The following ABCC2 variants were observed in gnomAD, a reference collection of about 807,000 sequenced individuals.
The protein encoded by ABCC2 is ATP binding cassette subfamily C member 2.
In ABCC2, 157 loss-of-function variants were observed where a neutral mutation model predicts 173.4. The observed-to-expected ratio is 0.91, with a 90% CI of 0.80 to 1.03. ABCC2 has a LOEUF of 1.03. ABCC2 is among the 50% of genes least tolerant of loss of function. The probability of loss-of-function intolerance (pLI) is 0.00; values close to 1 mark genes in which losing one functional copy is unlikely to be tolerated. For missense variants in ABCC2, 1,822 were observed against 1,852.3 expected, an observed-to-expected ratio of 0.98 and a Z score of 0.30; for synonymous variants, 657 against 693.5, an observed-to-expected ratio of 0.95 and a Z score of 0.83.
chr10:99,811,106 A>G (rs2038204836), intron 14 of ABCC2, among the ~76,000 whole-genome samples: 1 of 151,832 alleles, frequency 6.6e-6, no homozygotes, highest in Admixed American at 6.6e-5. Flanking sequence ...TGAGATGGGC[A>G]GATTGCTTGA....
intron 2 of ABCC2, among the ~76,000 whole-genome samples, chr10:99,791,237 GTC>G (rs1219945810): frequency 1.3e-5 from 2 of 152,030 alleles, no homozygotes; most frequent in African/African-American, 4.8e-5. Context: ...GTAAAATCCT[GTC>G]TCTACTAAAA....
intron 6 of ABCC2, among the ~76,000 whole-genome samples, chr10:99,796,788 C>A (rs989637931): frequency 6.6e-6 from 1 of 152,124 alleles, no homozygotes; most frequent in African/African-American, 2.4e-5. Flanking sequence ...ATCAAGGAGG[C>A]CCCCAAGGAG....
chr10:99,833,496 T>C (rs777008038), intron 23 of ABCC2, among the ~76,000 whole-genome samples: 2 of 152,160 alleles, frequency 1.3e-5, no homozygotes, highest in Non-Finnish European at 2.9e-5. Context: ...AAGGGGCCTC[T>C]GGGATCAATG....
rs1277675759 is a variant in ABCC2, at chr10:99,851,987, A to G, written c.*356A>G. ...TTTACTTATGTAAATGGACTGACTCATACTGCATACATCTTCTATGACTTG... is the reference window on the plus strand; with the variant it reads ...TTTACTTATGTAAATGGACTGACTCGTACTGCATACATCTTCTATGACTTG... On this transcript the variant is annotated 3_prime_UTR_variant, in exon 32 of 32. Coordinates refer to ENST00000647814, the MANE Select transcript of ABCC2 (RefSeq NM_000392.5). 2 of 204,582 alleles carry G rather than the reference A, an allele frequency of 9.8e-6. No individual in the cohort carries two copies. Among genetic ancestry groups the G allele is most frequent in the African/African-American group, 4.7e-5 (2 of 42,312 alleles). 12.7% of individuals were successfully genotyped at this position (204,582 alleles called of 1,614,324 possible).
In ABCC2 at chr10:99,800,539, T is replaced by G; in HGVS notation, c.1185T>G (p.Ala395=). The part of the protein sequence containing the change: ...CFKLGVKVRT[A]IMASVYKKAL... ...AGCTGGGTGTAAAAGTACGGACAGC[T>G]ATCATGGCTTCTGTATATAAGAAGG... Residue 395 remains alanine, a synonymous_variant, in exon 9 of 32, where the codon GCT becomes GCG. Coordinates refer to ENST00000647814, the MANE Select transcript of ABCC2 (RefSeq NM_000392.5). 1 of 1,614,150 alleles carries G rather than the reference T, an allele frequency of 6.2e-7. No homozygotes were observed. The highest frequency in any genetic ancestry group is 8.5e-7 in the Non-Finnish European group (1 of 1,180,018).
chr10:99,822,348 C>T (rs1325774307), intron 19 of ABCC2, among the ~76,000 whole-genome samples: 1 of 151,754 alleles, frequency 6.6e-6, no homozygotes, highest in Admixed American at 6.6e-5. Context: ...GCGGCTCTGC[C>T]TTCTTGGTGG....
intron 20 of ABCC2, 140 bp downstream of exon 20, chr10:99,830,573 T>C (rs2038721219): frequency 6.4e-7 from 1 of 1,558,878 alleles, no homozygotes; most frequent in Non-Finnish European, 8.8e-7. Flanking sequence ...GTTGTGGGGA[T>C]GGGGAAAGAT....
intron 25 of ABCC2, among the ~76,000 whole-genome samples, chr10:99,839,368 ACC>A (rs1246751900): frequency 3.3e-4 from 6 of 17,994 alleles, no homozygotes; most frequent in Non-Finnish European, 4.3e-4. Flanking sequence ...GGGGGGGCTG[ACC>A]CCCCCCCACC....
At position 99,809,987 on chromosome 10, in the gene ABCC2, G is replaced by C. The variant is rs1046732702; in HGVS notation, c.1816-147G>C. On this transcript the variant is annotated intron_variant, in intron 13 of 31. Transcript: ENST00000647814. ...CATCCACTTCCATCTGTCTATGGTG[G>C]GATAGCTTCCGGGGCTGAGTTCGGT... 5 of 695,730 alleles carry C rather than the reference G, an allele frequency of 7.2e-6. No homozygotes were observed. The South Asian group carries it at 7.9e-5, about 11-fold the overall frequency. The allele number at this position is 695,730 out of a possible 1,614,324, so 43.1% of individuals were successfully genotyped here.
rs150734106 is a variant in ABCC2, at chr10:99,851,505, A to G, written c.4512A>G (p.Val1504=). Residue 1504 remains valine, a synonymous_variant, in exon 32 of 32, where the codon GTA becomes GTG. Coordinates refer to ENST00000647814, the MANE Select transcript of ABCC2 (RefSeq NM_000392.5). ...ATTTCTTTCTTCCTTGTTTCAGGGT[A>G]ATGGTCCTAGACAACGGGAAGATTA... ...RLHTIMDSDK[V]MVLDNGKIIE... 1.2e-6 allele frequency: 2 copies of G among 1,614,008 alleles called. No homozygotes were observed. The highest frequency in any genetic ancestry group is 1.3e-5 in the African/African-American group (1 of 74,992).
chr10:99,830,651 G>A, intron 20 of ABCC2, 65 bp from the exon 21 acceptor site: 1 of 1,610,640 alleles, frequency 6.2e-7, no homozygotes, highest in Non-Finnish European at 8.5e-7. Flanking sequence ...GAGTGACTGT[G>A]ACATCTGCTT....
chr10:99,809,328 G>C (rs964491360), intron 13 of ABCC2, among the ~76,000 whole-genome samples: 8 of 152,276 alleles, frequency 5.3e-5, no homozygotes, highest in African/African-American at 1.9e-4. Context: ...ACTCCAGCCT[G>C]GGCGACAGAG....
intron 19 of ABCC2, among the ~76,000 whole-genome samples, chr10:99,829,672 C>T (rs112508980): frequency 0.027 from 4,158 of 152,136 alleles, 203 homozygotes; most frequent in African/African-American, 0.093. Flanking sequence ...CACTCTGTTG[C>T]CCAGGCTGGA....
intron 31 of ABCC2, among the ~76,000 whole-genome samples, chr10:99,851,000 T>C (rs186427463): frequency 6.6e-6 from 1 of 152,366 alleles, no homozygotes; most frequent in Admixed American, 6.5e-5. Flanking sequence ...GAACTATTCA[T>C]ATCTTGAGGG....
At chr10:99,835,140 G>A (rs905878157) in intron 24 of ABCC2, among the ~76,000 whole-genome samples, 4 of 152,204 alleles carry the variant, frequency 2.6e-5, no homozygotes, top group African/African-American at 9.6e-5. Flanking sequence ...GATGAGGGAA[G>A]GGGAGGCTGT....
chr10:99,810,283 A>C lies in ABCC2; in HGVS notation c.1900+65A>C. 2.3e-6 allele frequency: 3 copies of C among 1,322,228 alleles called. No homozygotes were observed. In the South Asian group the frequency reaches 3.6e-5, roughly 16 times the overall value. The allele number at this position is 1,322,228 out of a possible 1,614,324, so 81.9% of individuals were successfully genotyped here. On this transcript the variant is annotated intron_variant, in intron 14 of 31. Transcript: ENST00000647814. ...GTACTGGTGCCAGAATTTTGATAAT[A>C]CAAGAGCTTAGTAGCAGCAAACTGA...
At chr10:99,842,118 G>C in intron 26 of ABCC2, 25 bp downstream of exon 26, 1 of 1,613,974 alleles carries the variant, frequency 6.2e-7, no homozygotes, top group South Asian at 1.1e-5. Flanking sequence ...TGGGAGTTTG[G>C]TTTCGTTAGT....
At chr10:99,796,755 G>A (rs529691563) in intron 6 of ABCC2, among the ~76,000 whole-genome samples, 4 of 152,156 alleles carry the variant, frequency 2.6e-5, no homozygotes, top group South Asian at 2.1e-4. Flanking sequence ...GATGCCACAG[G>A]GGCTGCTTTA....
At chr10:99,830,908 T>G (rs545805072) in intron 21 of ABCC2, 57 bp downstream of exon 21, 1 of 1,605,572 alleles carries the variant, frequency 6.2e-7, no homozygotes, top group African/African-American at 1.3e-5. Context: ...GAACCCAAAA[T>G]TTTTAACGTT....
Sources: allele counts gnomAD v4.1 joint callset (sites outside exome capture counted in the v4.1 genomes callset), GRCh38; gene constraint gnomAD v4.1.1; transcripts MANE v1.5; gene names NCBI Gene and HGNC (gene_info 2026-07-23, HGNC 2026-07-21).